The following UBE2D2 variants were observed in gnomAD, a reference collection of about 807,000 sequenced individuals.
The protein encoded by UBE2D2 is ubiquitin conjugating enzyme E2 D2.
In UBE2D2, 2 loss-of-function variants were observed where a neutral mutation model predicts 24.2. The ratio of observed to expected loss-of-function variants is 0.08; its 90% CI spans 0.03 to 0.26. The LOEUF (loss-of-function observed/expected upper bound fraction) is 0.26. Among genes scored for constraint, UBE2D2 ranks in the 10% least tolerant of loss-of-function variants. UBE2D2 has a pLI of 1.00. For missense variants in UBE2D2, 44 were observed against 177.6 expected, an observed-to-expected ratio of 0.25 and a Z score of 4.28; for synonymous variants, 58 against 56.5, an observed-to-expected ratio of 1.03 and a Z score of -0.12.
At chr5:139,571,406 C>CA (rs549829203) in intron 1 of UBE2D2, among the ~76,000 whole-genome samples, 5,920 of 87,956 alleles carry the variant, frequency 0.067, 162 homozygotes, top group Middle Eastern at 0.11. Context: ...GACTCCCTCT[C>CA]AAAAAAAAAA....
At chr5:139,594,827 G>A (rs778604999) in intron 1 of UBE2D2, among the ~76,000 whole-genome samples, 1 of 152,084 alleles carries the variant, frequency 6.6e-6, no homozygotes. Context: ...TCCATGAAAG[G>A]TTGGTCCCAG....
At chr5:139,605,591 CAAAAAAAAAA>C (rs70988710) in intron 2 of UBE2D2, among the ~76,000 whole-genome samples, 1 of 44,718 alleles carries the variant, frequency 2.2e-5, no homozygotes, top group Admixed American at 3.2e-4. Flanking sequence ...GACTCTGTCT[CAAAAAAAAAA>C]AAAAAAAAAA....
At chr5:139,599,531 T>C (rs548879652) in intron 1 of UBE2D2, 1 of 151,834 alleles carries the variant, frequency 6.6e-6, no homozygotes, top group Middle Eastern at 3.4e-3. Flanking sequence ...GGTCAGGAGA[T>C]TGAGATCATC....
upstream of UBE2D2, among the ~76,000 whole-genome samples, chr5:139,560,169 G>A (rs574419180): frequency 6.6e-6 from 1 of 150,692 alleles, no homozygotes; most frequent in South Asian, 2.1e-4. Context: ...CAGTAGCTGG[G>A]TTTACAGGAA....
intron 1 of UBE2D2, among the ~76,000 whole-genome samples, chr5:139,540,683 A>G (rs1051778003): frequency 2.0e-5 from 3 of 152,124 alleles, no homozygotes; most frequent in African/African-American, 4.8e-5. Flanking sequence ...ATATTTGTGT[A>G]TACAATATTT....
chr5:139,562,444 T>A, intron 1 of UBE2D2: 1 of 1,278,760 alleles, frequency 7.8e-7, no homozygotes, highest in Non-Finnish European at 1.0e-6. Flanking sequence ...AGAGGGAGAA[T>A]CATTTTATTC....
chr5:139,533,647 G>A (rs1042069013), intron 1 of UBE2D2, among the ~76,000 whole-genome samples: 10 of 148,324 alleles, frequency 6.7e-5, no homozygotes, highest in Non-Finnish European at 1.0e-4. Flanking sequence ...GCTAAACTCC[G>A]TCTCAAAAAA....
chr5:139,598,137 G>A (rs1262280598), intron 1 of UBE2D2, among the ~76,000 whole-genome samples: 2 of 152,078 alleles, frequency 1.3e-5, no homozygotes, highest in Non-Finnish European at 2.9e-5. Flanking sequence ...TCCTGACCTC[G>A]TGATCTGCCT....
intron 1 of UBE2D2, among the ~76,000 whole-genome samples, chr5:139,571,178 G>A (rs1753344292): frequency 1.3e-5 from 2 of 152,060 alleles, no homozygotes; most frequent in African/African-American, 4.8e-5. Context: ...GGAGGCCGAG[G>A]CGGGTGGATC....
chr5:139,600,782 A>G (rs964061948), intron 2 of UBE2D2, among the ~76,000 whole-genome samples: 1 of 152,118 alleles, frequency 6.6e-6, no homozygotes, highest in Non-Finnish European at 1.5e-5. Context: ...CTACTGACTC[A>G]TACTTGCGAA....
chr5:139,601,772 A>G lies in UBE2D2; in HGVS notation c.88+1337A>G, dbSNP rs111637187. ...AAAATAGAAAAAAATTTAGCCAGGC[A>G]TGGTGACAGGCGCCTGTAATCCCAC... On this transcript the variant is annotated intron_variant, in intron 2 of 6. Transcript: ENST00000398733. 3.6e-4 allele frequency among the ~76,000 whole-genome samples: 55 copies of G among 152,020 alleles called. 2 individuals are homozygous for G. In the Middle Eastern group the frequency reaches 0.01, roughly 28 times the overall value.
Position 139,593,170 on chromosome 5 carries a change from A to G in UBE2D2, c.25-7202A>G, listed in dbSNP as rs973435571. The stretch of plus-strand genomic sequence containing the variant: ...GCCACCACGCCCAGCTAACTTTTAT[A>G]TTTTTAGTAGAGACAGGGTTTCACC... On this transcript the variant is annotated intron_variant, in intron 1 of 6. Coordinates refer to ENST00000398733, the MANE Select transcript of UBE2D2 (RefSeq NM_003339.3). Among the ~76,000 whole-genome samples the G allele has an allele frequency of 2.7e-5, 4 of 150,938 alleles. No individual in the cohort carries two copies. In the East Asian group the frequency reaches 7.9e-4, roughly 30 times the overall value.
At chr5:139,573,950 G>A (rs1043945412) in intron 1 of UBE2D2, among the ~76,000 whole-genome samples, 4 of 150,800 alleles carry the variant, frequency 2.7e-5, no homozygotes, top group Admixed American at 6.6e-5. Context: ...CAGCCTGGGC[G>A]ACAGAGCGAG....
At chr5:139,559,333 G>A (rs1447308877), upstream of UBE2D2, among the ~76,000 whole-genome samples, 15 of 151,800 alleles carry the variant, frequency 9.9e-5, no homozygotes, top group African/African-American at 1.7e-4. Context: ...AGGCTGAGGC[G>A]GGAGAATGGC....
chr5:139,571,665 C>A (rs976530719), intron 1 of UBE2D2, among the ~76,000 whole-genome samples: 1 of 152,110 alleles, frequency 6.6e-6, no homozygotes, highest in African/African-American at 2.4e-5. Flanking sequence ...GCCCTTCTCC[C>A]CTCTAATCTC....
chr5:139,602,790 A>G (rs1754110394), intron 2 of UBE2D2, among the ~76,000 whole-genome samples: 1 of 152,224 alleles, frequency 6.6e-6, no homozygotes, highest in Admixed American at 6.5e-5. Context: ...TTACAAATAG[A>G]TAAATATTAT....
chr5:139,546,817 T>TCTTTCTTTCTTC (rs1203962652), intron 1 of UBE2D2, among the ~76,000 whole-genome samples: 5 of 138,414 alleles, frequency 3.6e-5, no homozygotes, highest in Non-Finnish European at 6.2e-5. Context: ...CTTCTTTCTT[T>TCTTTCTTTCTTC]CTTCCTTCCT....
At chr5:139,527,588 CAA>C (rs1260168654) in intron 1 of UBE2D2, among the ~76,000 whole-genome samples, 1 of 151,862 alleles carries the variant, frequency 6.6e-6, no homozygotes, top group East Asian at 1.9e-4. Context: ...TGGTTATCTT[CAA>C]AAATAAAGGG....
intron 1 of UBE2D2, among the ~76,000 whole-genome samples, chr5:139,547,407 G>C (rs1022554745): frequency 6.6e-6 from 1 of 152,118 alleles, no homozygotes; most frequent in Non-Finnish European, 1.5e-5. Context: ...GTAGAGACGC[G>C]GTTTCACCAT....
Sources: gnomAD v4.1 joint callset for allele counts (sites outside exome capture counted in the v4.1 genomes callset) on GRCh38, gnomAD v4.1.1 for gene constraint, MANE v1.5 for transcripts, NCBI Gene and HGNC (gene_info 2026-07-23, HGNC 2026-07-21) for gene names.